The following ZDHHC14 variants were observed in gnomAD, a reference collection of about 807,000 sequenced individuals.
The protein encoded by ZDHHC14 is palmitoyltransferase ZDHHC14.
In ZDHHC14, 16 loss-of-function variants were observed where a neutral mutation model predicts 47.7. The ratio of observed to expected loss-of-function variants is 0.34; its 90% CI spans 0.23 to 0.51. The LOEUF is 0.51. Among genes scored for constraint, ZDHHC14 ranks in the 20% least tolerant of loss-of-function variants. ZDHHC14 has a pLI of 0.97. For synonymous variants in ZDHHC14, 293 were observed against 278.9 expected, an observed-to-expected ratio of 1.05 and a Z score of -0.50; for missense variants, 515 against 662.5, an observed-to-expected ratio of 0.78 and a Z score of 2.44.
intron 1 of ZDHHC14, among the ~76,000 whole-genome samples, chr6:157,521,036 A>G (rs1457464021): frequency 6.6e-6 from 1 of 152,248 alleles, no homozygotes; most frequent in African/African-American, 2.4e-5. Context: ...TCCACATAAA[A>G]TGTAACTGCC....
chr6:157,604,696 A>G (rs4709430), intron 3 of ZDHHC14, among the ~76,000 whole-genome samples: 47,047 of 151,904 alleles, frequency 0.31, 8,090 homozygotes, highest in East Asian at 0.57. Context: ...GGCACGTGTC[A>G]CCACACCCGG....
intron 4 of ZDHHC14, chr6:157,631,056 C>T (rs200393939): frequency 6.9e-6 from 1 of 145,520 alleles, no homozygotes; most frequent in African/African-American, 2.6e-5. Context: ...CCCCACACAC[C>T]CTTATACACC....
intron 1 of ZDHHC14, among the ~76,000 whole-genome samples, chr6:157,454,521 C>T (rs561812267): frequency 1.6e-4 from 23 of 142,416 alleles, no homozygotes; most frequent in African/African-American, 5.0e-4. Context: ...TTTTTTGCCA[C>T]GAGTCTCACC....
intron 1 of ZDHHC14, among the ~76,000 whole-genome samples, chr6:157,389,328 A>T (rs1055808462): frequency 2.1e-4 from 32 of 152,280 alleles, no homozygotes; most frequent in Admixed American, 2.0e-3. Flanking sequence ...CCCTCAGACC[A>T]TTGAAGAGTA....
intron 1 of ZDHHC14, among the ~76,000 whole-genome samples, chr6:157,491,623 AT>A (rs1779918465): frequency 6.6e-6 from 1 of 152,228 alleles, no homozygotes; most frequent in African/African-American, 2.4e-5. Flanking sequence ...CTACATTAAA[AT>A]TTAATTTGTT....
intron 3 of ZDHHC14, among the ~76,000 whole-genome samples, chr6:157,615,652 T>C (rs2062950): frequency 0.43 from 65,852 of 152,142 alleles, 15,398 homozygotes; most frequent in East Asian, 0.86. Context: ...TCCTCTGCCG[T>C]AGAGTCCTAC....
intron 3 of ZDHHC14, among the ~76,000 whole-genome samples, chr6:157,606,115 GTC>G (rs1182644421): frequency 6.6e-6 from 1 of 152,136 alleles, no homozygotes; most frequent in African/African-American, 2.4e-5. Context: ...GATAACACAG[GTC>G]TCTATGCCTC....
intron 3 of ZDHHC14, among the ~76,000 whole-genome samples, chr6:157,626,216 A>G (rs1395540365): frequency 2.0e-5 from 3 of 152,092 alleles, no homozygotes; most frequent in Non-Finnish European, 4.4e-5. Context: ...AGAGGCTCAA[A>G]CCCACCGCAT....
At chr6:157,422,388 T>C (rs1778128065) in intron 1 of ZDHHC14, among the ~76,000 whole-genome samples, 1 of 152,146 alleles carries the variant, frequency 6.6e-6, no homozygotes, top group South Asian at 2.1e-4. Flanking sequence ...AAAAATTCCA[T>C]CTCCATTTCT....
intron 1 of ZDHHC14, among the ~76,000 whole-genome samples, chr6:157,453,838 A>G (rs1269677113): frequency 6.9e-6 from 1 of 145,144 alleles, no homozygotes; most frequent in Non-Finnish European, 1.5e-5. Flanking sequence ...ATGACTCCAC[A>G]TGTAATATGT....
chr6:157,614,377 T>C (rs1784874782), intron 3 of ZDHHC14, among the ~76,000 whole-genome samples: 1 of 145,530 alleles, frequency 6.9e-6, no homozygotes, highest in Non-Finnish European at 1.5e-5. Context: ...TTTTTTTTTT[T>C]GGTTGATGTA....
Position 157,381,410 on chromosome 6 carries a change from G to C in ZDHHC14, c.-612G>C. ...CGAGCGGCGCCCCGGCTCTCGCCGA[G>C]AGGCTCCTGACAGAAAAACGTGCGT... On this transcript the variant is annotated 5_prime_UTR_variant, in exon 1 of 9. Transcript: ENST00000359775. The C allele has an allele frequency of 4.6e-6, 1 of 215,476 alleles. No homozygotes were observed. Among genetic ancestry groups the C allele is most frequent in the Non-Finnish European group, 9.9e-6 (1 of 101,362 alleles). 13.3% of individuals were successfully genotyped at this position (215,476 alleles called of 1,614,324 possible). A position where few individuals can be genotyped will look rare whatever the true frequency, so the allele number is the denominator to read the frequency against.
At chr6:157,627,914 T>C (rs192537366) in intron 3 of ZDHHC14, among the ~76,000 whole-genome samples, 82 of 152,354 alleles carry the variant, frequency 5.4e-4, no homozygotes, top group African/African-American at 1.9e-3. Context: ...CCTCTCTCTA[T>C]GGCCATTTAC....
chr6:157,425,005 G>C (rs554453290), intron 1 of ZDHHC14, among the ~76,000 whole-genome samples: 1 of 152,266 alleles, frequency 6.6e-6, no homozygotes, highest in East Asian at 1.9e-4. Context: ...AAAATCAAGA[G>C]TGTTCTGATG....
At chr6:157,643,650 AATAT>A (rs3056787) in intron 5 of ZDHHC14, among the ~76,000 whole-genome samples, 6,101 of 72,508 alleles carry the variant, frequency 0.084, 1,064 homozygotes, top group African/African-American at 0.24. Context: ...CTTCATCTCA[AATAT>A]ATATATATAT....
In ZDHHC14 at chr6:157,675,547, TTAA is replaced by T. The variant is rs1778956250; in HGVS notation, c.*2427_*2429del. The T allele has an allele frequency of 1.3e-5, 2 of 152,338 alleles. No individual in the cohort carries two copies. The allele number at this position is 152,338 out of a possible 1,614,324, so 9.4% of individuals were successfully genotyped here. A position where few individuals can be genotyped will look rare whatever the true frequency, so the allele number is the denominator to read the frequency against. ...TTGAATGGGCCAATTTGCTAGATAA[TTAA>T]TGTCTTAAAAACCAAAACCAGAGAG... On this transcript the variant is annotated 3_prime_UTR_variant, in exon 9 of 9. Coordinates refer to ENST00000359775, the MANE Select transcript of ZDHHC14 (RefSeq NM_024630.3).
In ZDHHC14 at chr6:157,391,490, C is replaced by T. The variant is rs915756727; in HGVS notation, c.245+9224C>T. 4.6e-5 allele frequency among the ~76,000 whole-genome samples: 7 copies of T among 152,192 alleles called. No homozygotes were observed. In the East Asian group the frequency reaches 1.3e-3, roughly 29 times the overall value. On this transcript the variant is annotated intron_variant, in intron 1 of 8. Transcript: ENST00000359775. ...TCTCTCTAGTCTCCTGCCCTACCCC[C>T]AGCCTTTGGTGTAGTTTTGTTGTGT...
chr6:157,552,201 G>C (rs112381733), intron 2 of ZDHHC14, among the ~76,000 whole-genome samples: 37,158 of 152,048 alleles, frequency 0.24, 5,079 homozygotes, highest in African/African-American at 0.37. Flanking sequence ...ATCATTAGTA[G>C]TGTAACTGGC....
intron 2 of ZDHHC14, among the ~76,000 whole-genome samples, chr6:157,544,581 G>A (rs533892742): frequency 1.2e-4 from 19 of 152,172 alleles, no homozygotes; most frequent in African/African-American, 3.6e-4. Context: ...CCCAGGAGGC[G>A]GAGGGTTGCA....
Sources: gnomAD v4.1 joint callset for allele counts (sites outside exome capture counted in the v4.1 genomes callset) on GRCh38, gnomAD v4.1.1 for gene constraint, MANE v1.5 for transcripts, NCBI Gene and HGNC (gene_info 2026-07-23, HGNC 2026-07-21) for gene names.